Variants in CRISPLD2 observed in about 807,000 individuals in gnomAD.
CRISPLD2 encodes the protein cysteine-rich secretory protein LCCL domain-containing 2.
Under a neutral mutation model 71.1 loss-of-function variants are expected in CRISPLD2, and 47 were observed. That is an observed-to-expected ratio of 0.66 (90% CI 0.52 to 0.84). The LOEUF is 0.84. Ranked by LOEUF, CRISPLD2 falls within the 40% of genes least tolerant of loss-of-function variation. CRISPLD2 has a pLI of 0.00. For missense variants in CRISPLD2, 830 were observed against 651.1 expected (o/e 1.27, Z -2.99); for synonymous variants, 317 against 250.1 (o/e 1.27, Z -2.52).
chr16:84,905,139 AG>A (rs1318626711), intron 14 of CRISPLD2, among the ~76,000 whole-genome samples: 1 of 152,036 alleles, frequency 6.6e-6, no homozygotes, highest in Admixed American at 6.6e-5. Flanking sequence ...TATATCAATC[AG>A]GCTTGGTGAC....
intron 3 of CRISPLD2, among the ~76,000 whole-genome samples, chr16:84,848,189 C>T (rs546187794): frequency 6.6e-6 from 1 of 152,166 alleles, no homozygotes; most frequent in Non-Finnish European, 1.5e-5. Flanking sequence ...GACCTTGAGC[C>T]GCAGGGAAGC....
chr16:84,864,145 C>T (rs1917471877), intron 6 of CRISPLD2, among the ~76,000 whole-genome samples: 1 of 152,034 alleles, frequency 6.6e-6, no homozygotes, highest in African/African-American at 2.4e-5. Context: ...GCCCTGAGAC[C>T]CTGGCCCGGA....
intron 12 of CRISPLD2, among the ~76,000 whole-genome samples, chr16:84,879,361 C>CTT (rs376471544): frequency 8.3e-4 from 69 of 83,316 alleles, no homozygotes; most frequent in Middle Eastern, 7.6e-3. Context: ...CTTTCCAATT[C>CTT]TTTTTTTTTT....
At chr16:84,895,782 C>T (rs571696002) in intron 14 of CRISPLD2, among the ~76,000 whole-genome samples, 2 of 152,256 alleles carry the variant, frequency 1.3e-5, no homozygotes, top group East Asian at 3.9e-4. Flanking sequence ...TTTGTAGCTC[C>T]CGGCTACTGA....
chr16:84,858,771 T>C (rs1332475364), intron 6 of CRISPLD2, among the ~76,000 whole-genome samples: 1 of 152,236 alleles, frequency 6.6e-6, no homozygotes, highest in Admixed American at 6.5e-5. Flanking sequence ...AAATTACTTC[T>C]GGTGGGTCTT....
intron 13 of CRISPLD2, among the ~76,000 whole-genome samples, chr16:84,885,453 G>A (rs889109969): frequency 2.0e-5 from 3 of 152,296 alleles, no homozygotes; most frequent in African/African-American, 7.2e-5. Flanking sequence ...CAGGGAGGCC[G>A]GCCATCCCCG....
rs1296379434 is a variant in CRISPLD2 at position 84,872,853 on chromosome 16, C to G, written c.982-139C>G. The G allele has an allele frequency of 3.7e-6, 4 of 1,076,064 alleles. No homozygotes were observed. The South Asian group carries it at 4.7e-5, about 13-fold the overall frequency. 66.7% of individuals were successfully genotyped at this position (1,076,064 alleles called of 1,614,324 possible). ...ACAAATATGTGGTTACAGACAGAGG[C>G]GAGAGGCAGGAGCAGAGTGAGCTTT... On this transcript the variant is annotated intron_variant, in intron 9 of 14. Coordinates refer to ENST00000262424, the MANE Select transcript of CRISPLD2 (RefSeq NM_031476.4).
At chr16:84,848,755 G>A (rs1248701271) in intron 3 of CRISPLD2, among the ~76,000 whole-genome samples, 3 of 152,134 alleles carry the variant, frequency 2.0e-5, no homozygotes, top group Admixed American at 6.5e-5. Flanking sequence ...GTGCACTCAC[G>A]TCTTCATCAG....
At chr16:84,846,785 T>C (rs377637695) in intron 3 of CRISPLD2, among the ~76,000 whole-genome samples, 2 of 152,176 alleles carry the variant, frequency 1.3e-5, no homozygotes, top group African/African-American at 4.8e-5. Flanking sequence ...TCTGGCAGTG[T>C]TCTGTCCCCT....
intron 13 of CRISPLD2, among the ~76,000 whole-genome samples, chr16:84,884,494 T>C (rs896721440): frequency 5.3e-5 from 8 of 152,222 alleles, no homozygotes; most frequent in African/African-American, 1.9e-4. Context: ...CAGCCGGCGC[T>C]GGATGCAGGA....
At chr16:84,820,332 T>G (rs1217210593) in intron 1 of CRISPLD2, among the ~76,000 whole-genome samples, 199 bp downstream of exon 1, 1 of 152,114 alleles carries the variant, frequency 6.6e-6, no homozygotes, top group East Asian at 1.9e-4. Flanking sequence ...GACAACTCAT[T>G]TGTCCAGGAC....
chr16:84,865,383 T>C (rs1917507624), intron 6 of CRISPLD2, among the ~76,000 whole-genome samples: 1 of 152,206 alleles, frequency 6.6e-6, no homozygotes, highest in Non-Finnish European at 1.5e-5. Context: ...CTCAAACTCC[T>C]GACCTCATGC....
intron 14 of CRISPLD2, among the ~76,000 whole-genome samples, chr16:84,903,246 C>A (rs573327421): frequency 1.4e-4 from 22 of 151,950 alleles, no homozygotes; most frequent in Non-Finnish European, 2.9e-4. Flanking sequence ...CTTCCTGGAC[C>A]TCCCCCAAGA....
At chr16:84,889,149 C>A in intron 13 of CRISPLD2, 81 bp from the exon 14 acceptor site, 1 of 1,590,166 alleles carries the variant, frequency 6.3e-7, no homozygotes, top group Non-Finnish European at 8.6e-7. Flanking sequence ...GGTTGCCCAG[C>A]AGTGAATGAT....
At chr16:84,842,670 A>C (rs1399307060) in intron 2 of CRISPLD2, among the ~76,000 whole-genome samples, 1 of 152,048 alleles carries the variant, frequency 6.6e-6, no homozygotes, top group Non-Finnish European at 1.5e-5. Flanking sequence ...CACTGTGCCC[A>C]ACCTACGTTT....
At chr16:84,821,257 G>A (rs1038198244) in intron 1 of CRISPLD2, among the ~76,000 whole-genome samples, 5 of 152,212 alleles carry the variant, frequency 3.3e-5, no homozygotes, top group African/African-American at 1.2e-4. Context: ...CCAGTAGACT[G>A]AGGCCATGAG....
chr16:84,843,332 G>T (rs184085589), intron 2 of CRISPLD2, among the ~76,000 whole-genome samples: 194 of 152,330 alleles, frequency 1.3e-3, no homozygotes, highest in Non-Finnish European at 2.1e-3. Context: ...TTGAGAAAGC[G>T]GCTTGGAAAC....
intron 3 of CRISPLD2, chr16:84,846,287 C>T (rs1916912901): frequency 6.5e-6 from 1 of 152,996 alleles, no homozygotes; most frequent in Non-Finnish European, 1.3e-5. Flanking sequence ...GGGTCTTATT[C>T]TGTCATCCAG....
intron 6 of CRISPLD2, 57 bp from the exon 7 acceptor site, chr16:84,866,840 G>T: frequency 6.5e-7 from 1 of 1,536,450 alleles, no homozygotes; most frequent in Non-Finnish European, 8.9e-7. Context: ...TTTCCCCAAA[G>T]TGCGTTTTTG....
Sources: allele counts gnomAD v4.1 joint callset (sites outside exome capture counted in the v4.1 genomes callset), GRCh38; gene constraint gnomAD v4.1.1; transcripts MANE v1.5; gene names NCBI Gene and HGNC (gene_info 2026-07-23, HGNC 2026-07-21).